The following RBFOX1 variants were observed in gnomAD, a reference collection of about 807,000 sequenced individuals.
RBFOX1 encodes the protein RNA binding fox-1 homolog 1.
RBFOX1 carries 8 observed loss-of-function variants against 57.7 expected under a neutral mutation model. That is an observed-to-expected ratio of 0.14 (90% CI 0.08 to 0.25). The LOEUF is 0.25. RBFOX1 is among the 10% of genes least tolerant of loss of function. The pLI, the probability that RBFOX1 is intolerant of heterozygous loss-of-function variation, is 1.00. For missense variants in RBFOX1, 611 were observed against 548.5 expected (o/e 1.11, Z -1.14); for synonymous variants, 326 against 222.4 (o/e 1.47, Z -4.15).
chr16:6,241,380 C>T (rs1567753726), intron 1 of RBFOX1, among the ~76,000 whole-genome samples: 1 of 152,068 alleles, frequency 6.6e-6, no homozygotes, highest in Admixed American at 6.6e-5. Context: ...CATTGAACAT[C>T]GCATTACGAA....
chr16:6,827,777 C>CT lies in RBFOX1; in HGVS notation c.-16+173130dup, dbSNP rs560295589. On this transcript the variant is annotated intron_variant, in intron 3 of 15. Coordinates refer to ENST00000550418, the MANE Select transcript of RBFOX1 (RefSeq NM_018723.4). ...CCTCCATCACTCTTACCTGGTTAGT[C>CT]TTTCCCTGGCCTTTATCCCAGGTCA... 2.3e-4 allele frequency among the ~76,000 whole-genome samples: 35 copies of CT among 152,308 alleles called. 1 individual carries two copies. The highest frequency in any genetic ancestry group is 1.8e-3 in the Admixed American group (27 of 15,300).
chr16:6,570,822 G>T (rs1223734964), intron 2 of RBFOX1, among the ~76,000 whole-genome samples: 1 of 152,140 alleles, frequency 6.6e-6, no homozygotes, highest in Non-Finnish European at 1.5e-5. Context: ...TACTTTTAAA[G>T]ACTCAATTAA....
chr16:7,227,295 C>CCCT lies in RBFOX1; in HGVS notation c.27+175197_27+175198insCCT, dbSNP rs1567795291. On this transcript the variant is annotated intron_variant, in intron 4 of 15. Transcript: ENST00000550418. ...TACCACACACACCCCACCCCACCCC[C>CCCT]ACACACACACACAGCAAGGGAGGAA... Among the ~76,000 whole-genome samples, 3 of 135,640 alleles carry CCCT rather than the reference C, an allele frequency of 2.2e-5. 1 individual carries two copies. The highest frequency in any genetic ancestry group is 5.0e-5 in the Non-Finnish European group (3 of 60,432). The allele number at this position is 135,640 out of a possible 152,430, so 89.0% of individuals were successfully genotyped here.
chr16:7,183,784 C>T (rs2083194257), intron 4 of RBFOX1, among the ~76,000 whole-genome samples: 1 of 152,192 alleles, frequency 6.6e-6, no homozygotes, highest in Non-Finnish European at 1.5e-5. Context: ...CATCTCCTTT[C>T]AGTGTGGTTC....
chr16:6,829,163 G>C (rs2092483969), intron 3 of RBFOX1, among the ~76,000 whole-genome samples: 1 of 151,110 alleles, frequency 6.6e-6, no homozygotes, highest in Admixed American at 6.6e-5. Flanking sequence ...GGGTGTAGAA[G>C]TTTCAAGAAA....
rs147679108 is a variant in RBFOX1 at position 5,566,608 on chromosome 16, A to G, written c.259-32294A>G. 2.4e-4 allele frequency among the ~76,000 whole-genome samples: 36 copies of G among 151,258 alleles called. No individual in the cohort carries two copies. In the East Asian group the frequency reaches 6.0e-3, roughly 25 times the overall value. ...TGTATATATGTGTGTATATATGTGT[A>G]TATATGTATATGTATGTATATATGT... On this transcript the variant is annotated intron_variant, in intron 2 of 2. Coordinates refer to the RBFOX1 transcript ENST00000585867.
intron 4 of RBFOX1, among the ~76,000 whole-genome samples, chr16:7,361,228 C>A (rs2097313546): frequency 6.6e-6 from 1 of 152,144 alleles, no homozygotes; most frequent in Non-Finnish European, 1.5e-5. Context: ...GTTCTGGGCT[C>A]TGAAGGCCTG....
chr16:5,361,769 G>A (rs534413744), intron 1 of RBFOX1, among the ~76,000 whole-genome samples: 2 of 152,326 alleles, frequency 1.3e-5, no homozygotes, highest in African/African-American at 2.4e-5. Context: ...AGGCCACCCA[G>A]CTGTCTCAGG....
chr16:5,794,699 T>C (rs2151739674), intron 3 of RBFOX1, among the ~76,000 whole-genome samples: 1 of 152,342 alleles, frequency 6.6e-6, no homozygotes, highest in East Asian at 1.9e-4. Flanking sequence ...AACACCTTAA[T>C]GATGGCTTAA....
intron 5 of RBFOX1, among the ~76,000 whole-genome samples, chr16:7,560,088 C>G (rs563806480): frequency 6.6e-6 from 1 of 152,354 alleles, no homozygotes; most frequent in Non-Finnish European, 1.5e-5. Flanking sequence ...GTGTTCCACA[C>G]CCTTACCCAG....
chr16:6,741,789 T>C (rs2072233117), intron 3 of RBFOX1, among the ~76,000 whole-genome samples: 1 of 152,130 alleles, frequency 6.6e-6, no homozygotes, highest in African/African-American at 2.4e-5. Context: ...AATTAATATC[T>C]ATAAATTTAT....
intron 4 of RBFOX1, among the ~76,000 whole-genome samples, chr16:7,494,138 T>C (rs1008158183): frequency 6.6e-6 from 1 of 152,228 alleles, no homozygotes; most frequent in Non-Finnish European, 1.5e-5. Context: ...TGAGAAGAGA[T>C]AATTCACATG....
At chr16:7,409,548 C>T (rs992308401) in intron 4 of RBFOX1, among the ~76,000 whole-genome samples, 1 of 152,180 alleles carries the variant, frequency 6.6e-6, no homozygotes, top group Non-Finnish European at 1.5e-5. Flanking sequence ...TTGCACTATC[C>T]TAAGCAGTGT....
At chr16:6,000,496 T>G (rs1032823180) in intron 4 of RBFOX1, among the ~76,000 whole-genome samples, 3 of 152,148 alleles carry the variant, frequency 2.0e-5, no homozygotes, top group Non-Finnish European at 4.4e-5. Flanking sequence ...TGCATGCCTG[T>G]CTTGTGTCTG....
intron 4 of RBFOX1, among the ~76,000 whole-genome samples, chr16:7,310,571 G>C (rs2096284741): frequency 6.6e-6 from 1 of 152,188 alleles, no homozygotes; most frequent in African/African-American, 2.4e-5. Flanking sequence ...TCATGGTCCA[G>C]TATTTCTCAA....
chr16:5,681,330 C>G (rs574282691), intron 3 of RBFOX1, among the ~76,000 whole-genome samples: 1 of 151,152 alleles, frequency 6.6e-6, no homozygotes, highest in Non-Finnish European at 1.5e-5. Flanking sequence ...GTGATCCACC[C>G]GCCTCGGCCT....
chr16:7,011,677 C>T (rs1450053576), intron 3 of RBFOX1, among the ~76,000 whole-genome samples: 1 of 152,110 alleles, frequency 6.6e-6, no homozygotes, highest in Non-Finnish European at 1.5e-5. Context: ...CCATGCTCGG[C>T]TAATTTTTTG....
intron 1 of RBFOX1, among the ~76,000 whole-genome samples, chr16:5,418,423 G>C (rs1484377255): frequency 6.6e-6 from 1 of 152,062 alleles, no homozygotes; most frequent in Non-Finnish European, 1.5e-5. Context: ...GGTCCGACGT[G>C]ATCAAGTGCA....
intron 1 of RBFOX1, among the ~76,000 whole-genome samples, chr16:6,150,816 T>G (rs1197277021): frequency 6.6e-6 from 1 of 152,224 alleles, no homozygotes; most frequent in African/African-American, 2.4e-5. Context: ...ATTTCTTGAA[T>G]GAATGAATGA....
Sources: allele counts gnomAD v4.1 joint callset (sites outside exome capture counted in the v4.1 genomes callset), GRCh38; gene constraint gnomAD v4.1.1; transcripts MANE v1.5; gene names NCBI Gene and HGNC (gene_info 2026-07-23, HGNC 2026-07-21).